Variants in ZNF722 observed in about 807,000 individuals in gnomAD.
ZNF722 encodes the protein zinc finger protein 722.
the ZNF722 span, among the ~76,000 whole-genome samples, chr7:64,004,425 A>AAAAAAAAAAAAAAAATATATATATAT: frequency 6.5e-5 from 4 of 61,112 alleles, no homozygotes; most frequent in African/African-American, 3.2e-4. Context: ...AAAAAAAAAA[A>AAAAAAAAAAAAAAAATATATATATAT]ATATATATAT....
the ZNF722 span, chr7:63,999,060 G>T: frequency 1.3e-6 from 2 of 1,540,506 alleles, no homozygotes; most frequent in Non-Finnish European, 1.8e-6. Context: ...GGCTGAAAGT[G>T]GCTTGTAGCA....
the ZNF722 span, among the ~76,000 whole-genome samples, chr7:64,011,080 G>A: frequency 7.6e-6 from 1 of 131,242 alleles, no homozygotes; most frequent in African/African-American, 2.8e-5. Context: ...CTTTTTTTTT[G>A]CTTTCCATTT....
the ZNF722 span, among the ~76,000 whole-genome samples, chr7:64,016,802 T>A: frequency 6.6e-6 from 1 of 152,174 alleles, no homozygotes; most frequent in South Asian, 2.1e-4. Flanking sequence ...CATTTAACCA[T>A]ACCTCAAACT....
At chr7:64,017,217 C>G in the ZNF722 span, among the ~76,000 whole-genome samples, 1 of 152,138 alleles carries the variant, frequency 6.6e-6, no homozygotes, top group Non-Finnish European at 1.5e-5. Context: ...AAGCCCATCT[C>G]TACTAAAAAT....
the ZNF722 span, among the ~76,000 whole-genome samples, chr7:64,000,132 T>TTTGTGTG: frequency 7.2e-6 from 1 of 139,770 alleles, no homozygotes; most frequent in African/African-American, 2.7e-5. Context: ...TTTTTTTTTT[T>TTTGTGTG]TGTGTGTGTG....
At chr7:63,999,701 GTTTA>G in the ZNF722 span, among the ~76,000 whole-genome samples, 90 of 152,148 alleles carry the variant, frequency 5.9e-4, no homozygotes, top group African/African-American at 2.0e-3. Context: ...AAATGTATTT[GTTTA>G]TTTATTTTTT....
chr7:64,010,720 G>A, the ZNF722 span, among the ~76,000 whole-genome samples: 3,746 of 152,290 alleles, frequency 0.025, 62 homozygotes, highest in Non-Finnish European at 0.037. Context: ...TGTACATTCC[G>A]TTGCTTTTGT....
At chr7:64,015,994 G>T in the ZNF722 span, 1 of 959,874 alleles carries the variant, frequency 1.0e-6, no homozygotes, top group South Asian at 1.7e-5. Flanking sequence ...TACAAGTGTA[G>T]AGAATATGGA....
At chr7:64,014,813 A>G in the ZNF722 span, among the ~76,000 whole-genome samples, 1 of 152,202 alleles carries the variant, frequency 6.6e-6, no homozygotes, top group Non-Finnish European at 1.5e-5. Context: ...CATTGTGCTC[A>G]CATGGGGCAC....
At chr7:64,004,425 A>AAGTAT in the ZNF722 span, among the ~76,000 whole-genome samples, 1 of 61,120 alleles carries the variant, frequency 1.6e-5, no homozygotes, top group Non-Finnish European at 2.7e-5. Context: ...AAAAAAAAAA[A>AAGTAT]ATATATATAT....
At chr7:64,009,524 G>A in the ZNF722 span, among the ~76,000 whole-genome samples, 1 of 152,164 alleles carries the variant, frequency 6.6e-6, no homozygotes, top group East Asian at 1.9e-4. Flanking sequence ...CTTTGGTTCT[G>A]TTTATGCAAT....
At chr7:64,017,848 G>A in the ZNF722 span, among the ~76,000 whole-genome samples, 2 of 151,928 alleles carry the variant, frequency 1.3e-5, no homozygotes, top group African/African-American at 2.4e-5. Context: ...AATTACATTC[G>A]AGCTATGCTT....
At chr7:64,011,314 C>A in the ZNF722 span, among the ~76,000 whole-genome samples, 1 of 151,938 alleles carries the variant, frequency 6.6e-6, no homozygotes, top group Non-Finnish European at 1.5e-5. Context: ...GTTATTTTGC[C>A]TGTTAGTTGA....
the ZNF722 span, among the ~76,000 whole-genome samples, chr7:64,016,358 G>A: frequency 4.6e-5 from 7 of 151,596 alleles, no homozygotes; most frequent in East Asian, 3.9e-4. Context: ...GGCTGGTCTC[G>A]AACTCCTAAC....
the ZNF722 span, among the ~76,000 whole-genome samples, chr7:64,009,363 G>T: frequency 3.3e-5 from 5 of 152,224 alleles, no homozygotes; most frequent in Non-Finnish European, 5.9e-5. Context: ...CGTTCAGTAT[G>T]ATACTTTCTG....
chr7:64,007,021 G>A, the ZNF722 span, among the ~76,000 whole-genome samples: 4 of 151,208 alleles, frequency 2.6e-5, no homozygotes, highest in Non-Finnish European at 5.9e-5. Context: ...TTTTTATGAT[G>A]GCTGCATCTT....
At chr7:64,015,615 C>G in the ZNF722 span, 1 of 1,613,648 alleles carries the variant, frequency 6.2e-7, no homozygotes, top group Non-Finnish European at 8.5e-7. Context: ...CTCCTCAACA[C>G]TTACTAACCA....
chr7:64,013,745 C>T, the ZNF722 span, among the ~76,000 whole-genome samples: 3,972 of 152,094 alleles, frequency 0.026, 122 homozygotes, highest in South Asian at 0.11. Flanking sequence ...TATGTATTTT[C>T]ATATGATTAT....
the ZNF722 span, among the ~76,000 whole-genome samples, chr7:64,000,436 C>CTTTTTTTTTTTT: frequency 7.0e-3 from 167 of 23,696 alleles, 65 homozygotes; most frequent in African/African-American, 9.8e-3. Flanking sequence ...CATGCCCGGC[C>CTTTTTTTTTTTT]TTTTTTTTTT....
Sources: allele counts gnomAD v4.1 joint callset (sites outside exome capture counted in the v4.1 genomes callset), GRCh38; gene constraint gnomAD v4.1.1; transcripts MANE v1.5; gene names NCBI Gene and HGNC (gene_info 2026-07-23, HGNC 2026-07-21).